HDAC9: variants seen among roughly 807,000 people sequenced by gnomAD.
The protein encoded by HDAC9 is histone deacetylase 9, also known as MEF-2 interacting transcription repressor (MITR) protein.
In HDAC9, 41 loss-of-function variants were observed where a neutral mutation model predicts 139.4. That is an observed-to-expected ratio of 0.29 (90% CI 0.23 to 0.38). The LOEUF (loss-of-function observed/expected upper bound fraction) is 0.38. Ranked by LOEUF, HDAC9 falls within the 10% of genes least tolerant of loss-of-function variation. The probability of loss-of-function intolerance (pLI) is 1.00; values close to 1 mark genes in which losing one functional copy is unlikely to be tolerated. For missense variants in HDAC9, 1,147 were observed against 1,297.0 expected (o/e 0.88, Z 1.78); for synonymous variants, 517 against 476.2 (o/e 1.09, Z -1.12).
intron 12 of HDAC9, among the ~76,000 whole-genome samples, chr7:18,725,754 G>A (rs1367103064): frequency 6.6e-6 from 1 of 152,140 alleles, no homozygotes; most frequent in Non-Finnish European, 1.5e-5. Flanking sequence ...ATATATTTGT[G>A]TTCCCTGTAA....
At chr7:18,786,643 T>TCCCTCCC (rs1791816394) in intron 16 of HDAC9, among the ~76,000 whole-genome samples, 1 of 109,912 alleles carries the variant, frequency 9.1e-6, no homozygotes, top group African/African-American at 3.6e-5. Context: ...CCTTCCTTTC[T>TCCCTCCC]TCCCTCCTTC....
intron 21 of HDAC9, among the ~76,000 whole-genome samples, chr7:18,852,161 C>T (rs1240317538): frequency 6.6e-6 from 1 of 152,200 alleles, no homozygotes; most frequent in Non-Finnish European, 1.5e-5. Flanking sequence ...GACTTTCTCC[C>T]ATGTGCTTAA....
intron 22 of HDAC9, 93 bp from the exon 23 acceptor site, chr7:18,935,716 A>G: frequency 8.7e-7 from 1 of 1,152,288 alleles, no homozygotes; most frequent in South Asian, 1.4e-5. Context: ...ATGCTTAGTA[A>G]TGACTTACTC....
upstream of HDAC9, among the ~76,000 whole-genome samples, chr7:18,493,000 A>C (rs1370384652): frequency 6.6e-6 from 1 of 152,004 alleles, no homozygotes; most frequent in Non-Finnish European, 1.5e-5. Context: ...TGCAGGGATG[A>C]AACGTAAATA....
rs193045958 is a variant in HDAC9 at position 18,555,328 on chromosome 7, A to G, written c.23-29953A>G. 4.3e-3 allele frequency among the ~76,000 whole-genome samples: 649 copies of G among 152,324 alleles called. 8 individuals carry two copies. Among genetic ancestry groups the G allele is most frequent in the South Asian group, 7.7e-3 (37 of 4,832 alleles). On this transcript the variant is annotated intron_variant, in intron 2 of 25. Transcript: ENST00000686413. ...CCTGATACTCAAAAGTCTGCATTTC[A>G]AAACTGTTACTAACAGCAAAAAATT... is the stretch of plus-strand genomic sequence containing the variant.
At chr7:18,916,177 T>G (rs1668632988) in intron 22 of HDAC9, among the ~76,000 whole-genome samples, 2 of 151,962 alleles carry the variant, frequency 1.3e-5, no homozygotes, top group Admixed American at 6.6e-5. Flanking sequence ...TGTTTGAAAG[T>G]GTACTAGCGT....
intron 1 of HDAC9, among the ~76,000 whole-genome samples, chr7:18,336,076 C>A (rs1341568382): frequency 6.6e-6 from 1 of 151,566 alleles, no homozygotes; most frequent in East Asian, 1.9e-4. Flanking sequence ...CTTCTCTAGT[C>A]AGAATGGCTG....
intron 2 of HDAC9, among the ~76,000 whole-genome samples, chr7:18,572,332 A>C (rs1342432865): frequency 6.6e-6 from 1 of 151,092 alleles, no homozygotes; most frequent in Non-Finnish European, 1.5e-5. Context: ...ATATTCACAA[A>C]TATGACTATT....
chr7:18,498,719 G>A (rs989133277), intron 2 of HDAC9, among the ~76,000 whole-genome samples: 6 of 152,028 alleles, frequency 3.9e-5, no homozygotes, highest in Admixed American at 2.0e-4. Context: ...ACTGCTAGCC[G>A]ATTGTGTACT....
At chr7:18,118,027 T>C (rs944235365) in intron 1 of HDAC9, among the ~76,000 whole-genome samples, 1 of 152,180 alleles carries the variant, frequency 6.6e-6, no homozygotes, top group Non-Finnish European at 1.5e-5. Flanking sequence ...TCATTTGCCT[T>C]GTCAGTGTGA....
At chr7:18,605,574 A>G (rs1016349077) in intron 6 of HDAC9, among the ~76,000 whole-genome samples, 4 of 152,156 alleles carry the variant, frequency 2.6e-5, no homozygotes, top group South Asian at 2.1e-4. Context: ...ACTTAAACAG[A>G]AAGGGATTTT....
chr7:18,837,590 CT>C (rs1269644779), intron 21 of HDAC9, among the ~76,000 whole-genome samples: 1 of 152,014 alleles, frequency 6.6e-6, no homozygotes, highest in Non-Finnish European at 1.5e-5. Context: ...TATCCATTAT[CT>C]TTGATGCAGA....
intron 25 of HDAC9, among the ~76,000 whole-genome samples, chr7:18,988,185 C>A (rs1785535251): frequency 1.3e-5 from 2 of 152,046 alleles, no homozygotes; most frequent in South Asian, 4.2e-4. Context: ...TTCCTGCTTT[C>A]TCTTGTGGGC....
At chr7:18,332,367 G>GTGTGTGTA (rs1800987336) in intron 1 of HDAC9, among the ~76,000 whole-genome samples, 1 of 45,988 alleles carries the variant, frequency 2.2e-5, no homozygotes, top group African/African-American at 8.6e-5. Context: ...GCACATGTGT[G>GTGTGTGTA]TGTGTGTGTG....
rs748200932 is a variant in HDAC9, at chr7:18,727,718, C to T, written c.1870C>T (p.Pro624Ser). 2 of 1,573,840 alleles carry T rather than the reference C, an allele frequency of 1.3e-6. No individual in the cohort carries two copies. Among genetic ancestry groups the T allele is most frequent in the Non-Finnish European group, 1.7e-6 (2 of 1,165,430 alleles). Residue 624 changes from proline to serine, a missense_variant, in exon 13 of 26, where the codon CCA becomes TCA. This residue lies in a region of HDAC9 where 256 missense variants were observed against 219.2 expected (regional missense o/e 1.17). Transcript: ENST00000686413. ...SSPAASVLPH[P>S]AMDRPLQPGS... The stretch of plus-strand genomic sequence containing the variant: ...CCCTGCTGCCTCTGTTTTACCTCAC[C>T]CAGCAATGGACCGCCCCCTCCAGCC...
chr7:18,218,846 A>G (rs919844875), intron 2 of HDAC9, among the ~76,000 whole-genome samples: 2 of 152,182 alleles, frequency 1.3e-5, no homozygotes, highest in Non-Finnish European at 2.9e-5. Flanking sequence ...GCATTTGACT[A>G]TTATAAATTA....
At chr7:18,391,225 A>C (rs1424005387) in intron 1 of HDAC9, among the ~76,000 whole-genome samples, 2 of 152,026 alleles carry the variant, frequency 1.3e-5, no homozygotes, top group Non-Finnish European at 1.5e-5. Flanking sequence ...TCTCTACTAA[A>C]AATACAAAAA....
At chr7:18,260,753 A>G (rs1388642291) in intron 2 of HDAC9, among the ~76,000 whole-genome samples, 2 of 152,248 alleles carry the variant, frequency 1.3e-5, no homozygotes, top group African/African-American at 4.8e-5. Context: ...GAGTAAATGA[A>G]TAACTAGGAG....
intron 12 of HDAC9, among the ~76,000 whole-genome samples, chr7:18,699,794 A>C (rs1783325737): frequency 6.6e-6 from 1 of 152,154 alleles, no homozygotes; most frequent in Non-Finnish European, 1.5e-5. Flanking sequence ...ACTGAGGATT[A>C]AGACTAGAAA....
Sources: gnomAD v4.1 joint callset for allele counts (sites outside exome capture counted in the v4.1 genomes callset) on GRCh38, gnomAD v4.1.1 for gene constraint, gnomAD v4.1.1 regional missense constraint, MANE v1.5 for transcripts, NCBI Gene and HGNC (gene_info 2026-07-23, HGNC 2026-07-21) for gene names.